UBR3: variants seen among roughly 807,000 people sequenced by gnomAD.
UBR3 encodes ubiquitin protein ligase E3 component n-recognin 3.
UBR3 carries 85 observed loss-of-function variants against 243.2 expected under a neutral mutation model. That is an observed-to-expected ratio of 0.35 (90% CI 0.29 to 0.42). The LOEUF is 0.42. Among genes scored for constraint, UBR3 ranks in the 10% least tolerant of loss-of-function variants. The probability of loss-of-function intolerance (pLI) is 1.00; values close to 1 mark genes in which losing one functional copy is unlikely to be tolerated. For missense variants in UBR3, 1,686 were observed against 2,300.8 expected (o/e 0.73, Z 5.47); for synonymous variants, 748 against 799.8 (o/e 0.94, Z 1.09).
chr2:169,973,130 CAGAG>C (rs1237539857), intron 24 of UBR3, among the ~76,000 whole-genome samples: 3 of 106,114 alleles, frequency 2.8e-5, no homozygotes, highest in African/African-American at 7.1e-5. Flanking sequence ...AACAGACAAA[CAGAG>C]AGCCAAATCA....
At chr2:169,930,693 T>A (rs1041932357) in intron 18 of UBR3, among the ~76,000 whole-genome samples, 9 of 152,212 alleles carry the variant, frequency 5.9e-5, no homozygotes, top group Non-Finnish European at 1.2e-4. Flanking sequence ...CCAGTTTTTT[T>A]ATCTTTGGAT....
chr2:169,902,900 A>C (rs1367936859), intron 8 of UBR3, among the ~76,000 whole-genome samples: 2 of 152,148 alleles, frequency 1.3e-5, no homozygotes, highest in East Asian at 3.8e-4. Context: ...GTGAGCCACC[A>C]TGGCCAGCCA....
At chr2:169,909,504 G>A (rs146653521) in intron 10 of UBR3, among the ~76,000 whole-genome samples, 1,700 of 152,258 alleles carry the variant, frequency 0.011, 10 homozygotes, top group Non-Finnish European at 0.017. Context: ...GGGGCTGAGG[G>A]AGTGGGAAAT....
At chr2:169,931,661 A>G (rs1349471172) in intron 18 of UBR3, among the ~76,000 whole-genome samples, 1 of 152,160 alleles carries the variant, frequency 6.6e-6, no homozygotes, top group African/African-American at 2.4e-5. Flanking sequence ...GGTTTCTAAA[A>G]TTATTATCTC....
chr2:169,967,042 G>A (rs1322765380), intron 24 of UBR3, among the ~76,000 whole-genome samples: 1 of 152,060 alleles, frequency 6.6e-6, no homozygotes, highest in African/African-American at 2.4e-5. Context: ...AATACATTCT[G>A]TATATTGCAT....
Position 169,863,420 on chromosome 2 carries a change from AG to A in UBR3, c.546-8815del, listed in dbSNP as rs767572248. On this transcript the variant is annotated intron_variant, in intron 1 of 38. Coordinates refer to ENST00000272793, the MANE Select transcript of UBR3 (RefSeq NM_172070.4). ...GATGATGTCAAACAAAATTTAGAGA[AG>A]TCATTTTGTCTAGTATTTTTTTAGT... Among the ~76,000 whole-genome samples, 16 of 152,314 alleles carry A rather than the reference AG, an allele frequency of 1.1e-4. No homozygotes were observed. The East Asian group carries it at 3.1e-3, about 29-fold the overall frequency.
At chr2:169,927,055 A>G in intron 16 of UBR3, 84 bp downstream of exon 16, 2 of 1,428,414 alleles carry the variant, frequency 1.4e-6, no homozygotes, top group Non-Finnish European at 9.5e-7. Context: ...TGGCTTAGGG[A>G]AAAAAGGAAA....
Position 169,947,555 on chromosome 2 carries a change from G to A in UBR3, c.2924G>A (p.Gly975Glu). 1.3e-6 allele frequency: 2 copies of A among 1,505,136 alleles called. No homozygotes were observed. Among genetic ancestry groups the A allele is most frequent in the Non-Finnish European group, 1.8e-6 (2 of 1,126,212 alleles). The allele number at this position is 1,505,136 out of a possible 1,614,324, so 93.2% of individuals were successfully genotyped here. A position where few individuals can be genotyped will look rare whatever the true frequency, so the allele number is the denominator to read the frequency against. Residue 975 changes from glycine (G) to glutamate (E), a missense_variant, in exon 22 of 39, where the codon GGA (glycine) becomes GAA (glutamate). By Grantham distance (98) the Gly-to-Glu change is moderately conservative. This residue lies in a region of UBR3 where 300 missense variants were observed against 314.4 expected (regional missense o/e 0.95). Coordinates refer to ENST00000272793, the MANE Select transcript of UBR3 (RefSeq NM_172070.4). ...EESDEEASVG[G>E]PERCHDSWFP... ...TTTTTATTTTAGGCATCAGTGGGTG[G>A]ACCAGAACGTTGTCATGACAGTTGG...
chr2:169,926,986 TA>T lies in UBR3; in HGVS notation c.2338+16del. 6.5e-7 allele frequency: 1 copy of T among 1,545,974 alleles called. No individual in the cohort carries two copies. The highest frequency in any genetic ancestry group is 8.7e-7 in the Non-Finnish European group (1 of 1,143,128). On this transcript the variant is annotated intron_variant, in intron 16 of 38. Coordinates refer to ENST00000272793, the MANE Select transcript of UBR3 (RefSeq NM_172070.4). ...TTTACATTTAGGTAAAACTCACTGA[TA>T]CTAATACTTATGCATTAACTGTTTT...
chr2:169,911,253 A>T (rs935551127), intron 10 of UBR3, among the ~76,000 whole-genome samples: 1 of 152,150 alleles, frequency 6.6e-6, no homozygotes, highest in African/African-American at 2.4e-5. Flanking sequence ...GAGGAGAAAA[A>T]TAAGCTGCAA....
At chr2:169,841,651 C>A (rs544049811) in intron 1 of UBR3, among the ~76,000 whole-genome samples, 116 of 152,330 alleles carry the variant, frequency 7.6e-4, no homozygotes, top group African/African-American at 2.6e-3. Context: ...CTGCTGGCCC[C>A]GGGCAATGGG....
At chr2:169,871,920 G>T (rs1483053575) in intron 1 of UBR3, among the ~76,000 whole-genome samples, 2 of 152,022 alleles carry the variant, frequency 1.3e-5, no homozygotes, top group Non-Finnish European at 2.9e-5. Context: ...TGGTTTAAAA[G>T]AGTGGAAGTC....
chr2:170,040,666 A>C (rs1351670312), intron 31 of UBR3, among the ~76,000 whole-genome samples: 1 of 152,070 alleles, frequency 6.6e-6, no homozygotes, highest in African/African-American at 2.4e-5. Flanking sequence ...AACACAACAC[A>C]TTTTCTATAC....
intron 1 of UBR3, 133 bp downstream of exon 1, chr2:169,828,185 A>G: frequency 2.3e-6 from 2 of 864,428 alleles, no homozygotes; most frequent in Non-Finnish European, 3.0e-6. Context: ...CCACAGGGGG[A>G]TGGAGGTGAC....
intron 25 of UBR3, among the ~76,000 whole-genome samples, chr2:169,992,097 C>T (rs894509349): frequency 3.3e-5 from 5 of 151,952 alleles, no homozygotes; most frequent in African/African-American, 9.7e-5. Flanking sequence ...ACAGACCTCA[C>T]GGAAATAGAA....
At chr2:169,888,578 A>C (rs1383000196) in intron 5 of UBR3, among the ~76,000 whole-genome samples, 1 of 152,206 alleles carries the variant, frequency 6.6e-6, no homozygotes, top group Admixed American at 6.5e-5. Flanking sequence ...AAAGGAATAT[A>C]CTAACAGATT....
chr2:170,033,129 C>T (rs1355743048), intron 31 of UBR3, among the ~76,000 whole-genome samples: 1 of 151,908 alleles, frequency 6.6e-6, no homozygotes, highest in Non-Finnish European at 1.5e-5. Flanking sequence ...GTTCAGCAAA[C>T]AAAAAGTTTC....
At chr2:169,913,393 C>T (rs2085333983) in intron 10 of UBR3, among the ~76,000 whole-genome samples, 1 of 143,846 alleles carries the variant, frequency 7.0e-6, no homozygotes, top group African/African-American at 2.5e-5. Context: ...GCAAGCCTAT[C>T]ATTATTTCTA....
chr2:169,840,549 C>A (rs1323815385), intron 1 of UBR3, among the ~76,000 whole-genome samples: 1 of 152,134 alleles, frequency 6.6e-6, no homozygotes, highest in African/African-American at 2.4e-5. Context: ...GACTATGGTT[C>A]TGGGGTTTTG....
Sources: gnomAD v4.1 joint callset for allele counts (sites outside exome capture counted in the v4.1 genomes callset) on GRCh38, gnomAD v4.1.1 for gene constraint, gnomAD v4.1.1 regional missense constraint, MANE v1.5 for transcripts, NCBI Gene and HGNC (gene_info 2026-07-23, HGNC 2026-07-21) for gene names.